The following STK32C variants were observed in gnomAD, a reference collection of about 807,000 sequenced individuals.
The protein encoded by STK32C is serine/threonine-protein kinase 32C.
Under a neutral mutation model 56.5 loss-of-function variants are expected in STK32C, and 31 were observed. That is an observed-to-expected ratio of 0.55 (90% CI 0.41 to 0.74). STK32C has a LOEUF of 0.74. Among genes scored for constraint, STK32C ranks in the 30% least tolerant of loss-of-function variants. STK32C has a pLI of 0.00. For missense variants in STK32C, 544 were observed against 676.9 expected (o/e 0.80, Z 2.18); for synonymous variants, 309 against 289.4 (o/e 1.07, Z -0.69).
chr10:132,269,637 C>T lies in STK32C; in HGVS notation c.263-23682G>A, dbSNP rs2064751541. 2.6e-5 allele frequency among the ~76,000 whole-genome samples: 4 copies of T among 152,226 alleles called. 1 individual carries two copies. In the South Asian group the frequency reaches 8.3e-4, roughly 31 times the overall value. ...CTAGTGGATGGTCTTATTTTCCAAACCTGAGCTTATGAGACAGACCCCAGG... is the reference window on the plus strand; with the variant it reads ...CTAGTGGATGGTCTTATTTTCCAAATCTGAGCTTATGAGACAGACCCCAGG... On this transcript the variant is annotated intron_variant, in intron 1 of 11. Transcript: ENST00000298630.
intron 10 of STK32C, among the ~76,000 whole-genome samples, chr10:132,217,687 T>C (rs1427663930): frequency 2.6e-5 from 4 of 152,130 alleles, no homozygotes. Context: ...TCCTGTGCTG[T>C]TGTCATGATA....
At chr10:132,257,661 TC>T (rs1345432306) in intron 1 of STK32C, among the ~76,000 whole-genome samples, 1 of 147,300 alleles carries the variant, frequency 6.8e-6, no homozygotes, top group Non-Finnish European at 1.5e-5. Flanking sequence ...TCTGCCTCTG[TC>T]CCCAGGGGCG....
At chr10:132,210,461 C>T (rs1309949372) in intron 10 of STK32C, among the ~76,000 whole-genome samples, 1 of 152,190 alleles carries the variant, frequency 6.6e-6, no homozygotes, top group African/African-American at 2.4e-5. Context: ...TTGGCCACGC[C>T]AGTCTTGAAC....
At position 132,207,542 on chromosome 10, in the gene STK32C, G is replaced by A. The variant is rs1458991369; in HGVS notation, c.*468C>T. 2.6e-5 allele frequency: 4 copies of A among 156,150 alleles called. No homozygotes were observed. Among genetic ancestry groups the A allele is most frequent in the African/African-American group, 7.2e-5 (3 of 41,630 alleles). The allele number at this position is 156,150 out of a possible 1,614,324, so 9.7% of individuals were successfully genotyped here. ...GAGGTGAAAACTACAGAAATTGCTG[G>A]AGCAGTTTGAATCTCTAGAAAACAT... is the stretch of plus-strand genomic sequence containing the variant. On this transcript the variant is annotated 3_prime_UTR_variant, in exon 12 of 12. Transcript: ENST00000298630.
At chr10:132,219,494 C>T (rs907513129) in intron 10 of STK32C, among the ~76,000 whole-genome samples, 1 of 152,184 alleles carries the variant, frequency 6.6e-6, no homozygotes, top group Non-Finnish European at 1.5e-5. Flanking sequence ...TCATCCTGGG[C>T]CTGTTTCTAC....
intron 1 of STK32C, among the ~76,000 whole-genome samples, chr10:132,256,613 CA>C: frequency 6.6e-6 from 1 of 152,270 alleles, no homozygotes; most frequent in Non-Finnish European, 1.5e-5. Flanking sequence ...TCCAGCTCCC[CA>C]AACCGCTGGA....
intron 8 of STK32C, among the ~76,000 whole-genome samples, 161 bp from the exon 9 acceptor site, chr10:132,223,147 C>T (rs780745760): frequency 4.6e-5 from 7 of 152,214 alleles, no homozygotes; most frequent in Non-Finnish European, 7.3e-5. Flanking sequence ...TGCCGACGGC[C>T]GACATCAGGC....
intron 1 of STK32C, among the ~76,000 whole-genome samples, chr10:132,283,135 C>G (rs189493556): frequency 6.6e-6 from 1 of 152,230 alleles, no homozygotes; most frequent in Non-Finnish European, 1.5e-5. Context: ...CCACGATGGC[C>G]AAGACCCAGC....
chr10:132,271,538 C>T (rs1046162094), intron 1 of STK32C, among the ~76,000 whole-genome samples: 6 of 152,272 alleles, frequency 3.9e-5, no homozygotes, highest in South Asian at 2.1e-4. Context: ...CCATTGTGGC[C>T]AAATCTGACC....
chr10:132,259,034 G>C (rs763146041), intron 1 of STK32C, among the ~76,000 whole-genome samples: 1 of 126,360 alleles, frequency 7.9e-6, no homozygotes, highest in Non-Finnish European at 1.6e-5. Flanking sequence ...GGAGGCTGCT[G>C]CACCGGGTAC....
chr10:132,269,966 C>T (rs926264582), intron 1 of STK32C, among the ~76,000 whole-genome samples: 1 of 152,256 alleles, frequency 6.6e-6, no homozygotes, highest in African/African-American at 2.4e-5. Flanking sequence ...CGCCTGACGA[C>T]CTGAGCCCTC....
At chr10:132,229,351 G>A (rs150252521) in intron 2 of STK32C, among the ~76,000 whole-genome samples, 27 of 152,268 alleles carry the variant, frequency 1.8e-4, no homozygotes, top group African/African-American at 5.5e-4. Context: ...CTGCATGCCC[G>A]GAAAGCGTGG....
chr10:132,265,474 G>A (rs550461800), intron 1 of STK32C, among the ~76,000 whole-genome samples: 2 of 152,228 alleles, frequency 1.3e-5, no homozygotes, highest in Non-Finnish European at 2.9e-5. Flanking sequence ...AGGAGCCTGT[G>A]GGGTCCTCAC....
intron 1 of STK32C, among the ~76,000 whole-genome samples, chr10:132,297,750 TCCGAGACTCCCCGGCGAAGCCC>T (rs1327999064): frequency 6.6e-6 from 1 of 152,078 alleles, no homozygotes; most frequent in Non-Finnish European, 1.5e-5. Context: ...GAGCCAGAGC[TCCGAGACTCCCCGGCGAAGCCC>T]CCGTAGTCAG....
chr10:132,325,738 T>A (rs2066486371), intron 1 of STK32C, among the ~76,000 whole-genome samples: 1 of 150,804 alleles, frequency 6.6e-6, no homozygotes, highest in African/African-American at 2.4e-5. Context: ...TTTTTTTTTT[T>A]TTTAAGACAG....
intron 1 of STK32C, 50 bp from the exon 2 acceptor site, chr10:132,246,005 C>G: frequency 6.4e-7 from 1 of 1,571,856 alleles, no homozygotes. Flanking sequence ...CAAGGCCCCA[C>G]CCCAGAGCAG....
chr10:132,252,314 G>A (rs932383058), intron 1 of STK32C, among the ~76,000 whole-genome samples: 8 of 152,244 alleles, frequency 5.3e-5, no homozygotes, highest in African/African-American at 1.9e-4. Context: ...GCTAAAGCAG[G>A]AAAGGGGGAG....
Position 132,280,985 on chromosome 10 carries a change from G to A in STK32C, c.262+26587C>T, listed in dbSNP as rs142557788. 3.2e-3 allele frequency among the ~76,000 whole-genome samples: 404 copies of A among 126,170 alleles called. 3 individuals carry two copies. The highest frequency in any genetic ancestry group is 0.012 in the African/African-American group (376 of 32,224). The allele number at this position is 126,170 out of a possible 152,430, so 82.8% of individuals were successfully genotyped here. A position where few individuals can be genotyped will look rare whatever the true frequency, so the allele number is the denominator to read the frequency against. ...GCTGAGGCCTCCATTCCATGATCAC[G>A]CCCCTGCACTCCGTGATCACGCCCC... On this transcript the variant is annotated intron_variant, in intron 1 of 11. Transcript: ENST00000298630.
chr10:132,327,745 G>A (rs1195089308), intron 1 of STK32C, among the ~76,000 whole-genome samples: 2 of 152,136 alleles, frequency 1.3e-5, no homozygotes, highest in Non-Finnish European at 2.9e-5. Context: ...CCAAAGCGCT[G>A]GGATTACAGG....
Sources: gnomAD v4.1 joint callset for allele counts (sites outside exome capture counted in the v4.1 genomes callset) on GRCh38, gnomAD v4.1.1 for gene constraint, MANE v1.5 for transcripts, NCBI Gene and HGNC (gene_info 2026-07-23, HGNC 2026-07-21) for gene names.